The following MICAL2 variants were observed in gnomAD, a reference collection of about 807,000 sequenced individuals.
MICAL2 encodes microtubule associated monooxygenase, calponin and LIM domain containing 2, also known as [F-actin]-monooxygenase MICAL2.
A neutral mutation model predicts 127.3 loss-of-function variants in MICAL2; 77 were observed. That is an observed-to-expected ratio of 0.60 (90% confidence interval 0.50 to 0.73). The LOEUF is 0.73. Ranked by LOEUF, MICAL2 falls within the 30% of genes least tolerant of loss-of-function variation. The probability of loss-of-function intolerance (pLI) is 0.00; values close to 1 mark genes in which losing one functional copy is unlikely to be tolerated. For synonymous variants in MICAL2, 570 were observed against 551.1 expected, an observed-to-expected ratio of 1.03 and a Z score of -0.48; for missense variants, 1,351 against 1,434.4, an observed-to-expected ratio of 0.94 and a Z score of 0.94.
intron 22 of MICAL2, 161 bp from the exon 23 acceptor site, chr11:12,255,482 C>T (rs1372840152): frequency 3.7e-5 from 23 of 622,560 alleles, no homozygotes; most frequent in Non-Finnish European, 5.8e-5. Context: ...CCAGAATCCC[C>T]GCGTTCTGCT....
Position 12,209,510 on chromosome 11 carries a change from G to A in MICAL2, c.603G>A (p.Arg201=). 1.2e-6 allele frequency: 2 copies of A among 1,613,998 alleles called. No individual in the cohort carries two copies. The highest frequency in any genetic ancestry group is 1.7e-6 in the Non-Finnish European group (2 of 1,179,878). The part of the protein sequence containing the change: ...EDQENQKIGW[R]AEFLPTDHSL... ...CTGTCCTGGTAGAAATTGGCTGGCGGGCAGAATTTCTCCCTACAGACCATT... is the reference window on the plus strand; with the variant it reads ...CTGTCCTGGTAGAAATTGGCTGGCGAGCAGAATTTCTCCCTACAGACCATT... Residue 201 remains arginine (R), a synonymous_variant, in exon 6 of 28, where the codon CGG becomes CGA. Coordinates refer to ENST00000683283, the MANE Select transcript of MICAL2 (RefSeq NM_001282663.2).
downstream of MICAL2, chr11:12,358,628 C>T (rs990328295): frequency 1.6e-5 from 11 of 674,220 alleles, no homozygotes; most frequent in South Asian, 1.2e-4. Flanking sequence ...TTCTCTTGCA[C>T]GCATGGCAGC....
chr11:12,225,202 G>T (rs60289130), intron 13 of MICAL2, among the ~76,000 whole-genome samples: 1 of 152,122 alleles, frequency 6.6e-6, no homozygotes, highest in African/African-American at 2.4e-5. Flanking sequence ...TATAGAATTA[G>T]GTTTGAGACC....
At chr11:12,148,700 G>A (rs956165899) in intron 2 of MICAL2, among the ~76,000 whole-genome samples, 10 of 152,254 alleles carry the variant, frequency 6.6e-5, no homozygotes, top group African/African-American at 2.4e-4. Context: ...GGGGCTTGCA[G>A]CCTTCAGCTT....
At chr11:12,156,106 C>T (rs887019058) in intron 2 of MICAL2, among the ~76,000 whole-genome samples, 3 of 152,206 alleles carry the variant, frequency 2.0e-5, no homozygotes, top group African/African-American at 7.2e-5. Flanking sequence ...GCATAGAAGG[C>T]CAGGGCCTGC....
At chr11:12,293,754 A>G (rs776090181), downstream of MICAL2, 1 of 1,613,960 alleles carries the variant, frequency 6.2e-7, no homozygotes, top group South Asian at 1.1e-5. Context: ...GACCCTGCAG[A>G]GATGACTTCT....
At chr11:12,287,088 A>T (rs1310316822) in exon 3 of MICAL2, 2 of 398,798 alleles carry the variant, frequency 5.0e-6, no homozygotes, top group African/African-American at 4.1e-5. Context: ...TTTCCACAGC[A>T]GCTCTGCAAC....
chr11:12,233,515 A>T (rs1858597250), intron 15 of MICAL2, among the ~76,000 whole-genome samples: 1 of 152,252 alleles, frequency 6.6e-6, no homozygotes, highest in Admixed American at 6.5e-5. Flanking sequence ...AGCTAAAATC[A>T]CATTAACTCG....
intron 1 of MICAL2, among the ~76,000 whole-genome samples, chr11:12,136,022 G>A (rs2403571): frequency 0.044 from 6,669 of 152,116 alleles, 500 homozygotes; most frequent in African/African-American, 0.15. Context: ...CAAGTGCTGG[G>A]GTCCCTCAGG....
At position 12,208,044 on chromosome 11, in the gene MICAL2, T is replaced by TCCC; in HGVS notation, c.496_497insCCC (p.Ile165_Leu166insPro). 1 of 1,614,200 alleles carries TCCC rather than the reference T, an allele frequency of 6.2e-7. No homozygotes were observed. Among genetic ancestry groups the TCCC allele is most frequent in the Non-Finnish European group, 8.5e-7 (1 of 1,180,004 alleles). ...ACAGGTATTCGCCAACTACAGCTCATCCTATTCAAGGTGGCCCTGATGCTG... is the reference window on the plus strand; with the variant it reads ...ACAGGTATTCGCCAACTACAGCTCATCCCCCTATTCAAGGTGGCCCTGATGCTG... On this transcript the variant is annotated inframe_insertion, in exon 5 of 28. Coordinates refer to ENST00000683283, the MANE Select transcript of MICAL2 (RefSeq NM_001282663.2).
intron 3 of MICAL2, among the ~76,000 whole-genome samples, chr11:12,176,505 A>G (rs7934282): frequency 0.67 from 101,099 of 151,994 alleles, 33,692 homozygotes; most frequent in Middle Eastern, 0.74. Flanking sequence ...CATAAAATTG[A>G]CCATTTTAAC....
At chr11:12,304,024 G>C (rs981752856) in intron 29 of MICAL2, among the ~76,000 whole-genome samples, 2 of 152,014 alleles carry the variant, frequency 1.3e-5, no homozygotes, top group Admixed American at 6.6e-5. Flanking sequence ...ACCAATACTG[G>C]TCACAAACAA....
Position 12,313,983 on chromosome 11 carries a change from T to TTTTTG in MICAL2, c.5213-5713_5213-5712insTTTTG, listed in dbSNP as rs1555020731. On this transcript the variant is annotated intron_variant, in intron 29 of 34. Transcript: ENST00000646065. Reference sequence around the variant, plus strand: ...CTGATTTTTTTTTTTTTTTTTTTTTTGATAGCTATACAAACTTTCTTTTGG... The same window carrying TTTTTG: ...CTGATTTTTTTTTTTTTTTTTTTTTTTTTTGGATAGCTATACAAACTTTCTTTTGG... 1.1e-4 allele frequency among the ~76,000 whole-genome samples: 14 copies of TTTTTG among 127,618 alleles called. 2 individuals carry two copies. The highest frequency in any genetic ancestry group is 4.4e-3 in the Middle Eastern group (1 of 228). 83.7% of individuals were successfully genotyped at this position (127,618 alleles called of 152,430 possible).
At chr11:12,131,034 C>T (rs1851373787) in intron 1 of MICAL2, among the ~76,000 whole-genome samples, 1 of 32,176 alleles carries the variant, frequency 3.1e-5, no homozygotes, top group Admixed American at 5.6e-4. Flanking sequence ...TGGCTCACGC[C>T]TGTAATCCCA....
At chr11:12,301,443 A>G (rs959517119) in intron 29 of MICAL2, among the ~76,000 whole-genome samples, 3 of 152,210 alleles carry the variant, frequency 2.0e-5, no homozygotes, top group Non-Finnish European at 4.4e-5. Context: ...GATTGTGAAT[A>G]GTGCTGTTAG....
intron 3 of MICAL2, among the ~76,000 whole-genome samples, chr11:12,165,083 G>A (rs1261796173): frequency 2.0e-5 from 3 of 147,526 alleles, no homozygotes; most frequent in Non-Finnish European, 4.4e-5. Context: ...AGGTTGCAGT[G>A]AGCTGAGATC....
At chr11:12,187,493 C>T (rs1011327747) in intron 3 of MICAL2, among the ~76,000 whole-genome samples, 4 of 152,192 alleles carry the variant, frequency 2.6e-5, no homozygotes, top group African/African-American at 9.6e-5. Flanking sequence ...CAGACAGCGG[C>T]AGGCCCTGGC....
intron 32 of MICAL2, among the ~76,000 whole-genome samples, chr11:12,340,884 G>C (rs1938853324): frequency 6.6e-6 from 1 of 152,152 alleles, no homozygotes; most frequent in East Asian, 1.9e-4. Context: ...TAATTTAAAA[G>C]GGAAAGATTA....
rs574506512 is a variant in MICAL2 at position 12,207,100 on chromosome 11, C to T, written c.473-923C>T. Among the ~76,000 whole-genome samples the T allele has an allele frequency of 2.6e-4, 39 of 152,250 alleles. 1 individual carries two copies. In the South Asian group the frequency reaches 7.9e-3, roughly 31 times the overall value. ...CTCCCAAACCCCCAAGTTTATTGGG[C>T]TCTTGTCACCTTCACAGCCCTTCCT... On this transcript the variant is annotated intron_variant, in intron 4 of 27. Coordinates refer to ENST00000683283, the MANE Select transcript of MICAL2 (RefSeq NM_001282663.2).
Sources: gnomAD v4.1 joint callset for allele counts (sites outside exome capture counted in the v4.1 genomes callset) on GRCh38, gnomAD v4.1.1 for gene constraint, MANE v1.5 for transcripts, NCBI Gene and HGNC (gene_info 2026-07-23, HGNC 2026-07-21) for gene names.